TTF1: variants seen among roughly 807,000 people sequenced by gnomAD.
TTF1 encodes transcription termination factor 1.
Under a neutral mutation model 80.2 loss-of-function variants are expected in TTF1, and 64 were observed. That is an observed-to-expected ratio of 0.80 (90% CI 0.65 to 0.98). The LOEUF (loss-of-function observed/expected upper bound fraction) is 0.98. TTF1 is among the 50% of genes least tolerant of loss of function. The probability of loss-of-function intolerance (pLI) is 0.00; values close to 1 mark genes in which losing one functional copy is unlikely to be tolerated. For missense variants in TTF1, 1,023 were observed against 1,086.2 expected, an observed-to-expected ratio of 0.94 and a Z score of 0.82; for synonymous variants, 372 against 382.7, an observed-to-expected ratio of 0.97 and a Z score of 0.33.
Position 132,401,630 on chromosome 9 carries a change from T to A in TTF1, c.1192A>T (p.Lys398Ter). The change falls in exon 2 of 11, where the codon AAA (lysine) becomes TAA (stop). Residue 398 changes from lysine to a stop codon, truncating the protein, a stop_gained. Coordinates refer to ENST00000334270, the MANE Select transcript of TTF1 (RefSeq NM_007344.4). LOFTEE classifies it high-confidence loss of function. ...TCATCACCAGACACTCGTGCCCTTT[T>A]GACAGACGTAAGCTTCCTTTTCTTA... ...KSKKRKLTSVKRARVSGDDFS... is the reference protein window; with the variant it reads ...KSKKRKLTSV The A allele has an allele frequency of 6.2e-7, 1 of 1,614,230 alleles. No homozygotes were observed. The highest frequency in any genetic ancestry group is 2.2e-5 in the East Asian group (1 of 44,884).
intron 1 of TTF1, among the ~76,000 whole-genome samples, chr9:132,404,559 G>A (rs1260261325): frequency 6.6e-6 from 1 of 151,704 alleles, no homozygotes; most frequent in African/African-American, 2.4e-5. Context: ...TTCAGCCTGC[G>A]TTTTCTAGCA....
intron 10 of TTF1, among the ~76,000 whole-genome samples, chr9:132,377,310 GTGCATGTGGTGTGTGTGTGAA>G (rs1699606700): frequency 6.8e-6 from 1 of 146,958 alleles, no homozygotes; most frequent in Admixed American, 6.7e-5. Context: ...TGTGGTGTGA[GTGCATGTGGTGTGTGTGTGAA>G]TGCATGTGGT....
At chr9:132,395,790 G>T (rs1458709914) in intron 5 of TTF1, among the ~76,000 whole-genome samples, 8 of 152,236 alleles carry the variant, frequency 5.3e-5, no homozygotes, top group Non-Finnish European at 1.2e-4. Context: ...GTAGAAGGTA[G>T]TTTTCGGGGG....
chr9:132,400,741 A>C (rs558632704), intron 2 of TTF1, among the ~76,000 whole-genome samples: 1 of 152,230 alleles, frequency 6.6e-6, no homozygotes. Context: ...AATTACTTGG[A>C]TATATCTCAG....
chr9:132,388,081 A>C (rs1849500798), intron 8 of TTF1, 58 bp downstream of exon 8: 2 of 1,394,006 alleles, frequency 1.4e-6, no homozygotes, highest in Non-Finnish European at 2.0e-6. Context: ...TGGGTTAACA[A>C]CTTCTCTTTG....
At position 132,390,682 on chromosome 9, in the gene TTF1, G is replaced by A. The variant is rs752308539; in HGVS notation, c.2137C>T (p.Arg713Trp). The A allele has an allele frequency of 1.3e-5, 21 of 1,614,032 alleles. No homozygotes were observed. The highest frequency in any genetic ancestry group is 4.4e-5 in the South Asian group (4 of 91,068). ...GATATGCCCTTGTAGAGTTTTTCCCGAACAATTGATAGGCAACTTTCAGGA... is the reference window on the plus strand; with the variant it reads ...GATATGCCCTTGTAGAGTTTTTCCCAAACAATTGATAGGCAACTTTCAGGA... ...ENPESCLSIV[R>W]EKLYKGISWV... Residue 713 changes from arginine (R) to tryptophan (W), a missense_variant, in exon 7 of 11, where the codon CGG becomes TGG. Arg to Trp is a moderately radical substitution (Grantham distance 101). Transcript: ENST00000334270.
At chr9:132,395,758 C>G (rs373149945) in intron 5 of TTF1, among the ~76,000 whole-genome samples, 6 of 152,342 alleles carry the variant, frequency 3.9e-5, no homozygotes, top group African/African-American at 1.4e-4. Flanking sequence ...AGCTGCCTCT[C>G]AGAGAGAGGT....
At position 132,384,715 on chromosome 9, in the gene TTF1, G is replaced by A. The variant is rs1017711670; in HGVS notation, c.2378+1841C>T. Among the ~76,000 whole-genome samples, 1 of 152,156 alleles carries A rather than the reference G, an allele frequency of 6.6e-6. No individual in the cohort carries two copies. Among genetic ancestry groups the A allele is most frequent in the Non-Finnish European group, 1.5e-5 (1 of 68,030 alleles). ...TCTGTTGCCCAGGCTGGAGTGCAAT[G>A]GCATGATCTCGGCTTACTGCAACCT... On this transcript the variant is annotated intron_variant, in intron 9 of 10. Transcript: ENST00000334270. This position sits in a 1 kb window ranked among gnomAD's most constrained non-coding sequence, Gnocchi z 4.1.
intron 1 of TTF1, among the ~76,000 whole-genome samples, chr9:132,405,473 G>A (rs558860391): frequency 1.3e-5 from 2 of 152,346 alleles, no homozygotes; most frequent in East Asian, 3.9e-4. Context: ...CTCTCAAAGC[G>A]CTGGGATTAC....
At position 132,375,727 on chromosome 9, in the gene TTF1, C is replaced by T. The variant is rs909085004; in HGVS notation, c.*188G>A. On this transcript the variant is annotated 3_prime_UTR_variant, in exon 11 of 11. Transcript: ENST00000334270. The stretch of plus-strand genomic sequence containing the variant: ...AAAGGGACAAGAAATAGTAATCTCT[C>T]TCTCTCATGCGGTGGTGCGATCTTG... The T allele has an allele frequency of 3.8e-6, 2 of 528,138 alleles. No individual in the cohort carries two copies. Among genetic ancestry groups the T allele is most frequent in the African/African-American group, 3.8e-5 (2 of 52,576 alleles). 32.7% of individuals were successfully genotyped at this position (528,138 alleles called of 1,614,324 possible). A position where few individuals can be genotyped will look rare whatever the true frequency, so the allele number is the denominator to read the frequency against.
intron 7 of TTF1, among the ~76,000 whole-genome samples, chr9:132,390,051 C>T (rs1353088400): frequency 2.0e-5 from 3 of 152,312 alleles, no homozygotes; most frequent in African/African-American, 7.2e-5. Context: ...TCTCAGCTCA[C>T]TGCAACCTCC....
chr9:132,377,782 AGTGCATGTGGTGTGT>A (rs1297878857), intron 10 of TTF1, among the ~76,000 whole-genome samples: 52 of 86,398 alleles, frequency 6.0e-4, no homozygotes, highest in African/African-American at 1.5e-3. Flanking sequence ...GGTGTGTGTG[AGTGCATGTGGTGTGT>A]GTGCATGTGG....
rs956884607 is a variant in TTF1 at position 132,375,565 on chromosome 9, G to A, written c.*350C>T. 16 of 168,754 alleles carry A rather than the reference G, an allele frequency of 9.5e-5. No individual in the cohort carries two copies. Among genetic ancestry groups the A allele is most frequent in the Non-Finnish European group, 1.3e-4 (10 of 77,238 alleles). 10.5% of individuals were successfully genotyped at this position (168,754 alleles called of 1,614,324 possible). A position where few individuals can be genotyped will look rare whatever the true frequency, so the allele number is the denominator to read the frequency against. On this transcript the variant is annotated 3_prime_UTR_variant, in exon 11 of 11. Coordinates refer to ENST00000334270, the MANE Select transcript of TTF1 (RefSeq NM_007344.4). ...TTCCTCTCTTTTCACATTCAAATAC[G>A]TTTTAATAGGAATGGCAATATATTT...
At chr9:132,399,858 C>A (rs1267853066) in intron 3 of TTF1, among the ~76,000 whole-genome samples, 177 bp downstream of exon 3, 1 of 152,172 alleles carries the variant, frequency 6.6e-6, no homozygotes, top group Non-Finnish European at 1.5e-5. Context: ...AGAGGAAAAG[C>A]AAGTGCACTT....
rs1312292402 is a variant in TTF1, at chr9:132,390,576, AAG to A, written c.2222+19_2222+20del. 1 of 1,608,056 alleles carries A rather than the reference AAG, an allele frequency of 6.2e-7. No homozygotes were observed. The highest frequency in any genetic ancestry group is 8.5e-7 in the Non-Finnish European group (1 of 1,174,802). On this transcript the variant is annotated intron_variant, in intron 7 of 10. Transcript: ENST00000334270. Reference sequence around the variant, plus strand: ...TCCACAGAAGCTGGAGAGACAGAGAAAGAGAGAGGGAAGAACTTACCACTTAC... The same window carrying A: ...TCCACAGAAGCTGGAGAGACAGAGAAAGAGAGGGAAGAACTTACCACTTAC...
intron 5 of TTF1, among the ~76,000 whole-genome samples, chr9:132,395,665 G>C (rs566696129): frequency 6.6e-6 from 1 of 152,298 alleles, no homozygotes; most frequent in East Asian, 1.9e-4. Flanking sequence ...ATCAACGTTG[G>C]AAGTTTAAGT....
rs1849774032 is a variant in TTF1, at chr9:132,402,041, C to G, written c.781G>C (p.Asp261His). ...QESQPTVGLD[D>H]ETPQLLGPTH... ...GGTCCTAGTAGTTGTGGAGTTTCAT[C>G]ATCCAAGCCCACAGTAGGCTGGGAT... is the stretch of plus-strand genomic sequence containing the variant. Residue 261 changes from aspartate to histidine, a missense_variant, in exon 2 of 11, where the codon GAT becomes CAT. Coordinates refer to ENST00000334270, the MANE Select transcript of TTF1 (RefSeq NM_007344.4). The G allele has an allele frequency of 6.2e-7, 1 of 1,614,082 alleles. No individual in the cohort carries two copies. Among genetic ancestry groups the G allele is most frequent in the East Asian group, 2.2e-5 (1 of 44,874 alleles).
Position 132,401,711 on chromosome 9 carries a change from C to T in TTF1, c.1111G>A (p.Glu371Lys). The T allele has an allele frequency of 6.2e-7, 1 of 1,614,264 alleles. No homozygotes were observed. Among genetic ancestry groups the T allele is most frequent in the Admixed American group, 1.7e-5 (1 of 60,036 alleles). The change falls in exon 2 of 11, where the codon GAA (glutamate) becomes AAA (lysine). Residue 371 changes from glutamate to lysine, a missense_variant. Glu to Lys is a moderately conservative substitution (Grantham distance 56). Coordinates refer to ENST00000334270, the MANE Select transcript of TTF1 (RefSeq NM_007344.4). ...SQVGSEVGTV[E>K]GSTALKGFKE... ...AACCCTTTAAGAGCTGTACTGCCTTCCACAGTCCCAACCTCACTGCCCACC... is the reference window on the plus strand; with the variant it reads ...AACCCTTTAAGAGCTGTACTGCCTTTCACAGTCCCAACCTCACTGCCCACC...
intron 10 of TTF1, among the ~76,000 whole-genome samples, 182 bp downstream of exon 10, chr9:132,378,877 C>G (rs545617880): frequency 6.6e-5 from 10 of 152,146 alleles, no homozygotes; most frequent in South Asian, 2.1e-4. Context: ...CCTACACGTT[C>G]ATGCTTCATT....
Sources: allele counts gnomAD v4.1 joint callset (sites outside exome capture counted in the v4.1 genomes callset), GRCh38; gene constraint gnomAD v4.1.1; non-coding constraint Gnocchi (gnomAD v3.1); transcripts MANE v1.5; gene names NCBI Gene and HGNC (gene_info 2026-07-23, HGNC 2026-07-21).